SSBP3: variants seen among roughly 807,000 people sequenced by gnomAD.
The protein encoded by SSBP3 is single-stranded DNA-binding protein 3.
A neutral mutation model predicts 69.6 loss-of-function variants in SSBP3; 5 were observed. The ratio of observed to expected loss-of-function variants is 0.07; its 90% CI spans 0.04 to 0.15. The LOEUF (loss-of-function observed/expected upper bound fraction) is 0.15, where lower values mean the gene tolerates loss of function less well. SSBP3 is among the 10% of genes least tolerant of loss of function. SSBP3 has a pLI of 1.00. For synonymous variants in SSBP3, 196 were observed against 193.4 expected (o/e 1.01, Z -0.11); for missense variants, 312 against 534.0 (o/e 0.58, Z 4.10).
At chr1:54,326,953 A>G (rs1646315523) in intron 4 of SSBP3, among the ~76,000 whole-genome samples, 1 of 151,868 alleles carries the variant, frequency 6.6e-6, no homozygotes, top group South Asian at 2.1e-4. Flanking sequence ...AAACGGGGCC[A>G]AGGAGAAGGT....
chr1:54,360,237 A>G (rs539608399), intron 4 of SSBP3, among the ~76,000 whole-genome samples: 70 of 152,316 alleles, frequency 4.6e-4, no homozygotes, highest in African/African-American at 1.6e-3. Flanking sequence ...GGGACAAAAG[A>G]GCTGTCTAGA....
At chr1:54,322,523 G>A (rs531511969) in intron 4 of SSBP3, among the ~76,000 whole-genome samples, 2 of 152,106 alleles carry the variant, frequency 1.3e-5, no homozygotes, top group Admixed American at 6.5e-5. Context: ...TAATGCACCT[G>A]GCCACATAAA....
At position 54,316,664 on chromosome 1, in the gene SSBP3, ATAAATAAATAAAT is replaced by A. The variant is rs1424595453; in HGVS notation, c.277-35150_277-35138del. Among the ~76,000 whole-genome samples the A allele has an allele frequency of 3.3e-3, 82 of 24,816 alleles. 2 individuals carry two copies. The highest frequency in any genetic ancestry group is 0.019 in the South Asian group (13 of 674). 16.3% of individuals were successfully genotyped at this position (24,816 alleles called of 152,430 possible). ...CTCCGTCTCAAAAAAAAAAAATAAAATAAATAAATAAATAAATAAATAAATAAATAAATAAATA... is the reference window on the plus strand; with the variant it reads ...CTCCGTCTCAAAAAAAAAAAATAAAAAAATAAATAAATAAATAAATAAATA... On this transcript the variant is annotated intron_variant, in intron 4 of 17. Coordinates refer to ENST00000610401, the Ensembl canonical transcript of SSBP3.
chr1:54,246,244 G>A (rs758678171), intron 9 of SSBP3, among the ~76,000 whole-genome samples: 4 of 152,190 alleles, frequency 2.6e-5, no homozygotes, highest in Non-Finnish European at 4.4e-5. Flanking sequence ...TAATGCTACC[G>A]CAGCATTGCA....
intron 4 of SSBP3, among the ~76,000 whole-genome samples, chr1:54,321,167 T>C (rs1440733728): frequency 3.3e-5 from 5 of 152,196 alleles, no homozygotes; most frequent in Non-Finnish European, 7.3e-5. Context: ...AGACAGGAGA[T>C]GCTGTGACAA....
At chr1:54,276,324 A>G in intron 5 of SSBP3, among the ~76,000 whole-genome samples, 1 of 152,074 alleles carries the variant, frequency 6.6e-6, no homozygotes, top group Non-Finnish European at 1.5e-5. Context: ...ATGGTCAGCT[A>G]CTTCCTGGCC....
intron 5 of SSBP3, among the ~76,000 whole-genome samples, chr1:54,267,877 A>AG (rs1645128310): frequency 1.3e-5 from 2 of 152,084 alleles, no homozygotes; most frequent in Admixed American, 1.3e-4. Flanking sequence ...GTCACATCCC[A>AG]GCCCTGCACA....
intron 4 of SSBP3, among the ~76,000 whole-genome samples, chr1:54,315,536 CAGTT>C (rs1054761408): frequency 4.6e-5 from 7 of 150,598 alleles, no homozygotes; most frequent in Non-Finnish European, 1.0e-4. Flanking sequence ...AGTTAAAATG[CAGTT>C]AGAGTACCCA....
At chr1:54,262,495 A>G (rs968044386) in intron 5 of SSBP3, among the ~76,000 whole-genome samples, 1 of 152,144 alleles carries the variant, frequency 6.6e-6, no homozygotes, top group African/African-American at 2.4e-5. Context: ...CTGACCTCCT[A>G]TGTGGCCAGC....
chr1:54,323,718 G>A (rs987684481), intron 4 of SSBP3, among the ~76,000 whole-genome samples: 15 of 152,304 alleles, frequency 9.8e-5, no homozygotes, highest in South Asian at 6.2e-4. Context: ...CCTATCTGGA[G>A]GTGGAAAGGA....
At chr1:54,252,880 G>A (rs1304217987) in intron 7 of SSBP3, among the ~76,000 whole-genome samples, 1 of 152,196 alleles carries the variant, frequency 6.6e-6, no homozygotes, top group Non-Finnish European at 1.5e-5. Context: ...GCAGGTGTCA[G>A]TGCTGATCAA....
In SSBP3 at chr1:54,379,398, G is replaced by A. The variant is rs185718215; in HGVS notation, c.276+22463C>T. On this transcript the variant is annotated intron_variant, in intron 4 of 17. Coordinates refer to ENST00000610401, the Ensembl canonical transcript of SSBP3. ...GAGTGGCCAGCACCAGGACGGGGAC[G>A]TCTGCAATAAACATGGCAAAATCTG... 4.6e-5 allele frequency among the ~76,000 whole-genome samples: 7 copies of A among 152,318 alleles called. No individual in the cohort carries two copies. The East Asian group carries it at 1.4e-3, about 29-fold the overall frequency.
At chr1:54,386,683 CTTTTTTT>C (rs58429798) in intron 4 of SSBP3, among the ~76,000 whole-genome samples, 1 of 76,136 alleles carries the variant, frequency 1.3e-5, no homozygotes, top group Non-Finnish European at 2.4e-5. Context: ...ACTGATCCTA[CTTTTTTT>C]TTTTTTTTTT....
intron 5 of SSBP3, among the ~76,000 whole-genome samples, chr1:54,260,678 A>T (rs1020403009): frequency 6.6e-6 from 1 of 152,226 alleles, no homozygotes; most frequent in Non-Finnish European, 1.5e-5. Context: ...CAAGAAAAAA[A>T]GCTGACAAGC....
intron 5 of SSBP3, among the ~76,000 whole-genome samples, chr1:54,261,891 T>C (rs1392145985): frequency 6.6e-6 from 1 of 151,902 alleles, no homozygotes; most frequent in African/African-American, 2.4e-5. Flanking sequence ...TTAGGTGGCT[T>C]TGACAGATTC....
At chr1:54,358,793 A>G (rs1238305607) in intron 4 of SSBP3, among the ~76,000 whole-genome samples, 7 of 152,222 alleles carry the variant, frequency 4.6e-5, no homozygotes, top group African/African-American at 1.4e-4. Flanking sequence ...TTCCGCCCAC[A>G]GCTCTGAATA....
At chr1:54,308,715 C>A (rs989019583) in intron 4 of SSBP3, among the ~76,000 whole-genome samples, 2 of 151,956 alleles carry the variant, frequency 1.3e-5, no homozygotes, top group African/African-American at 4.8e-5. Flanking sequence ...CTGCAGTAAG[C>A]CAAGACTGCA....
chr1:54,279,967 C>T (rs917515670), intron 5 of SSBP3, among the ~76,000 whole-genome samples: 4 of 152,236 alleles, frequency 2.6e-5, no homozygotes, highest in Admixed American at 2.6e-4. Flanking sequence ...AGCTCACACA[C>T]CTATTTCTGG....
intron 4 of SSBP3, among the ~76,000 whole-genome samples, chr1:54,316,705 T>TAAATAAATA (rs1553137592): frequency 6.3e-4 from 51 of 80,792 alleles, no homozygotes; most frequent in Non-Finnish European, 1.0e-3. Context: ...AATAAATAAA[T>TAAATAAATA]AAATAAAATA....
Sources: allele counts gnomAD v4.1 joint callset (sites outside exome capture counted in the v4.1 genomes callset), GRCh38; gene constraint gnomAD v4.1.1; transcripts MANE v1.5; gene names NCBI Gene and HGNC (gene_info 2026-07-23, HGNC 2026-07-21).